PRKG1: variants seen among roughly 807,000 people sequenced by gnomAD.
PRKG1 encodes cGMP-dependent protein kinase 1.
PRKG1 carries 35 observed loss-of-function variants against 88.1 expected under a neutral mutation model. That is an observed-to-expected ratio of 0.40 (90% confidence interval 0.30 to 0.53). PRKG1 has a LOEUF of 0.53. Among genes scored for constraint, PRKG1 ranks in the 20% least tolerant of loss-of-function variants. The pLI is 0.59. For missense variants in PRKG1, 540 were observed against 839.8 expected (o/e 0.64, Z 4.41); for synonymous variants, 303 against 292.5 (o/e 1.04, Z -0.37).
intron 1 of PRKG1, among the ~76,000 whole-genome samples, chr10:51,026,404 G>T (rs1843206588): frequency 6.6e-6 from 1 of 152,118 alleles, no homozygotes; most frequent in Non-Finnish European, 1.5e-5. Flanking sequence ...TCTTACATTA[G>T]CTAGAGGTGG....
At chr10:51,526,726 A>G (rs1841894635) in intron 3 of PRKG1, among the ~76,000 whole-genome samples, 1 of 151,826 alleles carries the variant, frequency 6.6e-6, no homozygotes, top group Non-Finnish European at 1.5e-5. Context: ...CCTTATACCT[A>G]CTCCTCATTT....
chr10:51,341,153 G>A (rs1269322026), intron 2 of PRKG1, among the ~76,000 whole-genome samples: 2 of 152,216 alleles, frequency 1.3e-5, no homozygotes, highest in East Asian at 1.9e-4. Flanking sequence ...AGGGAGTAAA[G>A]GGATTTAACA....
chr10:51,305,860 G>A (rs1841022716), intron 2 of PRKG1, among the ~76,000 whole-genome samples: 1 of 152,150 alleles, frequency 6.6e-6, no homozygotes, highest in African/African-American at 2.4e-5. Context: ...TCCTGATATG[G>A]AGGGCTTTTG....
chr10:51,214,175 TTATA>T (rs1046858576), intron 2 of PRKG1, among the ~76,000 whole-genome samples: 2 of 152,152 alleles, frequency 1.3e-5, no homozygotes, highest in African/African-American at 4.8e-5. Flanking sequence ...ATAGGTGATA[TTATA>T]TATATGTCAC....
In PRKG1 at chr10:51,819,488, C is replaced by T. The variant is rs573544267; in HGVS notation, c.698+14798C>T. 5.3e-5 allele frequency among the ~76,000 whole-genome samples: 8 copies of T among 152,270 alleles called. No homozygotes were observed. In the South Asian group the frequency reaches 1.7e-3, roughly 32 times the overall value. ...TTCATTATGTCCATGTTTCTGCATACCTCACTATTTTGGTCCAAGAACCTG... is the reference window on the plus strand; with the variant it reads ...TTCATTATGTCCATGTTTCTGCATATCTCACTATTTTGGTCCAAGAACCTG... On this transcript the variant is annotated intron_variant, in intron 4 of 17. Transcript: ENST00000373980.
chr10:51,723,210 C>G (rs1202232516), intron 3 of PRKG1, among the ~76,000 whole-genome samples: 1 of 152,104 alleles, frequency 6.6e-6, no homozygotes, highest in East Asian at 1.9e-4. Context: ...ATAAGAAAGA[C>G]TTGGAATCAA....
At chr10:51,261,430 C>A (rs1283113261) in intron 2 of PRKG1, among the ~76,000 whole-genome samples, 5 of 151,982 alleles carry the variant, frequency 3.3e-5, no homozygotes, top group Admixed American at 3.3e-4. Context: ...AAAAATGAAC[C>A]CAAATAGTTG....
At chr10:51,912,380 G>A (rs896777167) in intron 5 of PRKG1, among the ~76,000 whole-genome samples, 4 of 152,128 alleles carry the variant, frequency 2.6e-5, no homozygotes, top group African/African-American at 4.8e-5. Flanking sequence ...GCTGAGTTAC[G>A]TTTTAATAAC....
At chr10:51,782,417 C>G (rs535940936) in intron 3 of PRKG1, among the ~76,000 whole-genome samples, 95 of 152,242 alleles carry the variant, frequency 6.2e-4, no homozygotes, top group Middle Eastern at 3.4e-3. Flanking sequence ...TTACCTGTGC[C>G]AAGCACTGTA....
intron 4 of PRKG1, among the ~76,000 whole-genome samples, chr10:51,889,715 A>G (rs1841668561): frequency 6.6e-6 from 1 of 152,064 alleles, no homozygotes. Context: ...CCTCTCCAGC[A>G]CCTGTTGTTT....
Position 52,041,011 on chromosome 10 carries a change from G to A in PRKG1, c.763-13473G>A, listed in dbSNP as rs139309768. 1.2e-3 allele frequency among the ~76,000 whole-genome samples: 186 copies of A among 151,238 alleles called. 1 individual carries two copies. The highest frequency in any genetic ancestry group is 4.4e-3 in the African/African-American group (180 of 41,240). Reference sequence around the variant, plus strand: ...GCCACCATGCCCTGCTTATTTTTTTGCATTTTTAGTAGAGACGAGGTTTTA... The same window carrying A: ...GCCACCATGCCCTGCTTATTTTTTTACATTTTTAGTAGAGACGAGGTTTTA... On this transcript the variant is annotated intron_variant, in intron 5 of 17. Coordinates refer to ENST00000373980, the MANE Select transcript of PRKG1 (RefSeq NM_006258.4).
At chr10:52,255,851 A>T (rs1841294689) in intron 10 of PRKG1, among the ~76,000 whole-genome samples, 1 of 152,078 alleles carries the variant, frequency 6.6e-6, no homozygotes, top group African/African-American at 2.4e-5. Context: ...AATGTTTATT[A>T]ATAAATATTA....
chr10:51,796,318 G>A (rs1839009580), intron 3 of PRKG1, among the ~76,000 whole-genome samples: 1 of 151,946 alleles, frequency 6.6e-6, no homozygotes, highest in African/African-American at 2.4e-5. Context: ...CAAGTATAAT[G>A]AATTTTACTA....
At chr10:51,545,900 C>T (rs1328812202) in intron 3 of PRKG1, among the ~76,000 whole-genome samples, 2 of 151,802 alleles carry the variant, frequency 1.3e-5, no homozygotes, top group Non-Finnish European at 2.9e-5. Flanking sequence ...CCCCACCCAG[C>T]ACCCCCTGTT....
At chr10:52,054,131 G>A (rs1846052512) in intron 5 of PRKG1, among the ~76,000 whole-genome samples, 1 of 152,072 alleles carries the variant, frequency 6.6e-6, no homozygotes, top group African/African-American at 2.4e-5. Context: ...TGAATTTAAA[G>A]GTATGATGTA....
intron 1 of PRKG1, among the ~76,000 whole-genome samples, chr10:51,101,769 A>G (rs1844686663): frequency 1.3e-5 from 2 of 152,232 alleles, no homozygotes; most frequent in African/African-American, 2.4e-5. Context: ...ATCAGACCAA[A>G]TAAAACTAAA....
At chr10:51,824,564 T>A (rs889677037) in intron 4 of PRKG1, among the ~76,000 whole-genome samples, 1 of 152,160 alleles carries the variant, frequency 6.6e-6, no homozygotes, top group Non-Finnish European at 1.5e-5. Context: ...AAGGAATATT[T>A]GAGACTGGGT....
chr10:51,003,350 T>C (rs1842909317), intron 1 of PRKG1, among the ~76,000 whole-genome samples: 1 of 152,210 alleles, frequency 6.6e-6, no homozygotes, highest in Non-Finnish European at 1.5e-5. Context: ...CATGCTACAT[T>C]GAAATCCCCC....
intron 6 of PRKG1, among the ~76,000 whole-genome samples, chr10:52,056,109 G>A (rs1846105200): frequency 6.6e-6 from 1 of 152,132 alleles, no homozygotes; most frequent in South Asian, 2.1e-4. Flanking sequence ...ATCATGAAAT[G>A]ACATGTCTGA....
Sources: allele counts gnomAD v4.1 joint callset (sites outside exome capture counted in the v4.1 genomes callset), GRCh38; gene constraint gnomAD v4.1.1; transcripts MANE v1.5; gene names NCBI Gene and HGNC (gene_info 2026-07-23, HGNC 2026-07-21).